Variants in ENOX1 observed in about 807,000 individuals in gnomAD.
ENOX1 encodes the protein ecto-NOX disulfide-thiol exchanger 1.
Under a neutral mutation model 82.5 loss-of-function variants are expected in ENOX1, and 42 were observed. The ratio of observed to expected loss-of-function variants is 0.51; its 90% CI spans 0.40 to 0.66. The LOEUF (loss-of-function observed/expected upper bound fraction) is 0.66, where lower values mean the gene tolerates loss of function less well. Ranked by LOEUF, ENOX1 falls within the 30% of genes least tolerant of loss-of-function variation. The pLI, the probability that ENOX1 is intolerant of heterozygous loss-of-function variation, is 0.00. For missense variants in ENOX1, 608 were observed against 811.6 expected (o/e 0.75, Z 3.05); for synonymous variants, 271 against 282.2 (o/e 0.96, Z 0.40).
intron 2 of ENOX1, among the ~76,000 whole-genome samples, chr13:43,508,377 C>T (rs1006655345): frequency 6.6e-6 from 1 of 151,960 alleles, no homozygotes; most frequent in African/African-American, 2.4e-5. Flanking sequence ...ACTGCCAGCA[C>T]CATGATCTTG....
chr13:43,344,075 C>A (rs529262155), intron 9 of ENOX1, among the ~76,000 whole-genome samples: 1 of 152,288 alleles, frequency 6.6e-6, no homozygotes, highest in South Asian at 2.1e-4. Context: ...CCACAGCTCC[C>A]CCAGATAAAA....
chr13:43,393,576 C>T (rs960344408), intron 5 of ENOX1, among the ~76,000 whole-genome samples: 3 of 150,276 alleles, frequency 2.0e-5, no homozygotes, highest in Non-Finnish European at 1.5e-5. Flanking sequence ...GATGGACTAA[C>T]GACAGGTGGG....
At chr13:43,665,436 G>A (rs1377245877) in intron 2 of ENOX1, among the ~76,000 whole-genome samples, 4 of 152,268 alleles carry the variant, frequency 2.6e-5, no homozygotes, top group African/African-American at 9.6e-5. Context: ...GATGCATAAA[G>A]AAGGAAGAAG....
chr13:43,224,288 A>G, intron 15 of ENOX1, 150 bp from the exon 16 acceptor site: 1 of 632,194 alleles, frequency 1.6e-6, no homozygotes, highest in Non-Finnish European at 2.8e-6. Context: ...CAATAATAGC[A>G]CATTCTGAAG....
At chr13:43,453,301 T>G (rs578004028) in intron 3 of ENOX1, among the ~76,000 whole-genome samples, 14 of 152,212 alleles carry the variant, frequency 9.2e-5, no homozygotes, top group Admixed American at 5.2e-4. Flanking sequence ...AAGGAAGTAC[T>G]AGCAAACTTT....
intron 5 of ENOX1, among the ~76,000 whole-genome samples, chr13:43,380,674 A>G (rs551523032): frequency 7.5e-4 from 114 of 151,862 alleles, no homozygotes; most frequent in African/African-American, 2.7e-3. Flanking sequence ...CACTTTTAAT[A>G]CGAAGTCATA....
chr13:43,597,792 C>T (rs1351519717), intron 2 of ENOX1, among the ~76,000 whole-genome samples: 1 of 152,166 alleles, frequency 6.6e-6, no homozygotes, highest in African/African-American at 2.4e-5. Context: ...CACTGTATCT[C>T]CCACTGCTCA....
At chr13:43,721,440 G>A (rs1217259907) in intron 1 of ENOX1, among the ~76,000 whole-genome samples, 4 of 139,434 alleles carry the variant, frequency 2.9e-5, no homozygotes, top group East Asian at 2.1e-4. Flanking sequence ...GTGCAGTGGC[G>A]GGATCTCGGC....
At chr13:43,779,512 T>G (rs558988507) in intron 1 of ENOX1, among the ~76,000 whole-genome samples, 1 of 152,266 alleles carries the variant, frequency 6.6e-6, no homozygotes, top group African/African-American at 2.4e-5. Flanking sequence ...ACTTGCAGAA[T>G]TGCATCCTGA....
At chr13:43,756,113 C>A (rs1360387994) in intron 1 of ENOX1, among the ~76,000 whole-genome samples, 1 of 152,068 alleles carries the variant, frequency 6.6e-6, no homozygotes, top group African/African-American at 2.4e-5. Context: ...GTGAGAAGAA[C>A]AAAAACTTAA....
intron 1 of ENOX1, among the ~76,000 whole-genome samples, chr13:43,782,511 G>T (rs1346786955): frequency 6.6e-6 from 1 of 152,106 alleles, no homozygotes; most frequent in Non-Finnish European, 1.5e-5. Flanking sequence ...GGTTTAACAT[G>T]CTGTAAATCC....
chr13:43,512,375 A>C (rs966403158), intron 2 of ENOX1, among the ~76,000 whole-genome samples: 1 of 152,122 alleles, frequency 6.6e-6, no homozygotes, highest in Non-Finnish European at 1.5e-5. Context: ...GTGATGGGTG[A>C]ACAAATGTAT....
intron 2 of ENOX1, among the ~76,000 whole-genome samples, chr13:43,569,347 TGGTA>T (rs970077934): frequency 1.3e-5 from 2 of 152,050 alleles, no homozygotes; most frequent in Admixed American, 6.6e-5. Context: ...GGTGAATGGA[TGGTA>T]GGTAGGTAGG....
At chr13:43,609,783 T>G (rs940623959) in intron 2 of ENOX1, 1 of 287,722 alleles carries the variant, frequency 3.5e-6, no homozygotes, top group African/African-American at 2.3e-5. Flanking sequence ...AATAACTTCA[T>G]TATTATGGCA....
chr13:43,767,813 C>T (rs1438024715), intron 1 of ENOX1, among the ~76,000 whole-genome samples: 4 of 152,212 alleles, frequency 2.6e-5, no homozygotes, highest in African/African-American at 9.6e-5. Flanking sequence ...GCATAGCAGC[C>T]GGCAGGAGCC....
At chr13:43,301,350 G>C (rs2046564394) in intron 11 of ENOX1, among the ~76,000 whole-genome samples, 1 of 152,134 alleles carries the variant, frequency 6.6e-6, no homozygotes, top group African/African-American at 2.4e-5. Context: ...TGTGCCAACA[G>C]CATTATTTAA....
chr13:43,478,059 T>C (rs546036902), intron 3 of ENOX1, among the ~76,000 whole-genome samples: 89 of 148,914 alleles, frequency 6.0e-4, no homozygotes, highest in South Asian at 2.3e-3. Flanking sequence ...GAGAGGTTTT[T>C]TTTTTTTTTT....
intron 3 of ENOX1, among the ~76,000 whole-genome samples, chr13:43,427,722 CTA>C (rs945358769): frequency 1.3e-5 from 2 of 152,070 alleles, no homozygotes; most frequent in Non-Finnish European, 2.9e-5. Flanking sequence ...AGTCAGGTAA[CTA>C]AACAAACTAA....
intron 2 of ENOX1, among the ~76,000 whole-genome samples, chr13:43,617,855 T>C (rs923521713): frequency 1.3e-5 from 2 of 151,606 alleles, no homozygotes; most frequent in Non-Finnish European, 2.9e-5. Context: ...TGTAGAAGTG[T>C]TCCCTGTTCA....
Sources: allele counts gnomAD v4.1 joint callset (sites outside exome capture counted in the v4.1 genomes callset), GRCh38; gene constraint gnomAD v4.1.1; transcripts MANE v1.5; gene names NCBI Gene and HGNC (gene_info 2026-07-23, HGNC 2026-07-21).